The following PARP8 variants were observed in gnomAD, a reference collection of about 807,000 sequenced individuals.
PARP8 encodes the protein poly(ADP-ribose) polymerase family member 8.
A neutral mutation model predicts 124.1 loss-of-function variants in PARP8; 51 were observed. The ratio of observed to expected loss-of-function variants is 0.41; its 90% CI spans 0.33 to 0.52. The LOEUF (loss-of-function observed/expected upper bound fraction) is 0.52, where lower values mean the gene tolerates loss of function less well. Ranked by LOEUF, PARP8 falls within the 20% of genes least tolerant of loss-of-function variation. PARP8 has a pLI of 0.21. For synonymous variants in PARP8, 391 were observed against 361.5 expected (o/e 1.08, Z -0.93); for missense variants, 860 against 1,018.9 (o/e 0.84, Z 2.12).
intron 12 of PARP8, among the ~76,000 whole-genome samples, chr5:50,796,000 A>G (rs1742499958): frequency 6.6e-6 from 1 of 152,346 alleles, no homozygotes; most frequent in South Asian, 2.1e-4. Flanking sequence ...TGGGACCAGA[A>G]GATGACTTCA....
intron 2 of PARP8, 82 bp from the exon 3 acceptor site, chr5:50,750,067 CAT>C: frequency 9.3e-7 from 1 of 1,076,206 alleles, no homozygotes; most frequent in Non-Finnish European, 1.4e-6. Flanking sequence ...GAATGGGTAA[CAT>C]GGGTTTGGTT....
chr5:50,710,361 A>C (rs762373570), intron 2 of PARP8, among the ~76,000 whole-genome samples: 1 of 151,964 alleles, frequency 6.6e-6, no homozygotes, highest in Non-Finnish European at 1.5e-5. Flanking sequence ...ACTGACTTTT[A>C]TCTATATTTT....
intron 2 of PARP8, among the ~76,000 whole-genome samples, chr5:50,685,639 C>T (rs1272066182): frequency 6.6e-6 from 1 of 152,068 alleles, no homozygotes; most frequent in Non-Finnish European, 1.5e-5. Context: ...TTCTGTAGCC[C>T]AAGCTGGAGT....
At chr5:50,673,412 A>G (rs74526917) in intron 2 of PARP8, among the ~76,000 whole-genome samples, 6,043 of 152,234 alleles carry the variant, frequency 0.04, 218 homozygotes, top group Non-Finnish European at 0.066. Flanking sequence ...GTGATCCTAT[A>G]GTGATATTTA....
intron 25 of PARP8, among the ~76,000 whole-genome samples, chr5:50,835,434 T>C (rs1471340170): frequency 4.6e-5 from 7 of 151,990 alleles, no homozygotes; most frequent in Non-Finnish European, 1.5e-5. Flanking sequence ...TCCCAGCTCC[T>C]GGGGCTGAGG....
chr5:50,811,706 A>G (rs1013869228), intron 14 of PARP8, among the ~76,000 whole-genome samples: 4 of 152,064 alleles, frequency 2.6e-5, no homozygotes, highest in Admixed American at 2.6e-4. Context: ...CATCATCTAC[A>G]TTAGGTATAT....
intron 22 of PARP8, among the ~76,000 whole-genome samples, chr5:50,831,439 T>C (rs1327184923): frequency 6.6e-6 from 1 of 152,124 alleles, no homozygotes; most frequent in East Asian, 1.9e-4. Context: ...ACTCCATCTC[T>C]TGTTAGCAAA....
intron 11 of PARP8, 114 bp downstream of exon 11, chr5:50,794,446 C>T (rs916921684): frequency 6.5e-6 from 8 of 1,231,008 alleles, no homozygotes; most frequent in Middle Eastern, 4.0e-4. Flanking sequence ...TTTATAACCT[C>T]TAAGAAAAGA....
At chr5:50,823,110 A>G (rs1745951670) in intron 17 of PARP8, among the ~76,000 whole-genome samples, 1 of 152,242 alleles carries the variant, frequency 6.6e-6, no homozygotes, top group South Asian at 2.1e-4. Context: ...TAGTGGTTTC[A>G]AGGATTGCAC....
intron 9 of PARP8, 45 bp downstream of exon 9, chr5:50,778,695 G>C: frequency 7.6e-7 from 1 of 1,321,054 alleles, no homozygotes; most frequent in Non-Finnish European, 1.0e-6. Flanking sequence ...TTAATTAGCT[G>C]TGCACTATGC....
chr5:50,825,176 A>G (rs1343954669), intron 18 of PARP8, among the ~76,000 whole-genome samples: 1 of 152,110 alleles, frequency 6.6e-6, no homozygotes, highest in Non-Finnish European at 1.5e-5. Context: ...ATACATCACA[A>G]GGGGAAGAGA....
In PARP8 at chr5:50,844,452, T is replaced by C. The variant is rs1748463555; in HGVS notation, c.*2384T>C. The C allele has an allele frequency of 6.6e-6, 1 of 151,848 alleles. No homozygotes were observed. The highest frequency in any genetic ancestry group is 1.5e-5 in the Non-Finnish European group (1 of 67,830). 9.4% of individuals were successfully genotyped at this position (151,848 alleles called of 1,614,324 possible). On this transcript the variant is annotated 3_prime_UTR_variant, in exon 26 of 26. Transcript: ENST00000281631. Reference sequence around the variant, plus strand: ...CTAATTTCAATTACTACCATTAACATATAAATGTGCTTCCAAAATCCAAGC... The same window carrying C: ...CTAATTTCAATTACTACCATTAACACATAAATGTGCTTCCAAAATCCAAGC...
At chr5:50,732,482 A>G (rs532677074) in intron 2 of PARP8, among the ~76,000 whole-genome samples, 1 of 152,362 alleles carries the variant, frequency 6.6e-6, no homozygotes, top group East Asian at 1.9e-4. Context: ...TTGCATAAAA[A>G]ACTAATTAAA....
intron 17 of PARP8, 57 bp downstream of exon 17, chr5:50,822,457 C>A: frequency 1.5e-6 from 2 of 1,355,922 alleles, no homozygotes; most frequent in Non-Finnish European, 2.1e-6. Context: ...AGAGTTCTAG[C>A]TATGTAGTGA....
rs559970571 is a variant in PARP8, at chr5:50,759,859, A to G, written c.274+127A>G. ...TTCTGTGTCTATAAATCCAGTCTCC[A>G]TACAAATTTTCTATCTAAAGTACAT... is the stretch of plus-strand genomic sequence containing the variant. On this transcript the variant is annotated intron_variant, in intron 4 of 25. Coordinates refer to ENST00000281631, the MANE Select transcript of PARP8 (RefSeq NM_024615.4). 275 of 1,140,190 alleles carry G rather than the reference A, an allele frequency of 2.4e-4. No individual in the cohort carries two copies. The African/African-American group carries it at 3.6e-3, about 15-fold the overall frequency. The allele number at this position is 1,140,190 out of a possible 1,614,324, so 70.6% of individuals were successfully genotyped here. A position where few individuals can be genotyped will look rare whatever the true frequency, so the allele number is the denominator to read the frequency against.
intron 20 of PARP8, 30 bp downstream of exon 20, chr5:50,828,086 T>A: frequency 4.8e-6 from 7 of 1,445,164 alleles, no homozygotes; most frequent in Non-Finnish European, 6.8e-6. Flanking sequence ...AATGGGGGTG[T>A]GCTCCCATTA....
Position 50,834,992 on chromosome 5 carries a change from T to C in PARP8, c.2439T>C (p.His813=), listed in dbSNP as rs780458435. 25 of 1,613,302 alleles carry C rather than the reference T, an allele frequency of 1.5e-5. No individual in the cohort carries two copies. The highest frequency in any genetic ancestry group is 1.9e-5 in the Non-Finnish European group (23 of 1,179,526). ...TATGGGTTGTCCCCAATACTGACCATGTCTGCACACGATTCTTTTTCGTGT... is the reference window on the plus strand; with the variant it reads ...TATGGGTTGTCCCCAATACTGACCACGTCTGCACACGATTCTTTTTCGTGT... ...GEIWVVPNTD[H]VCTRFFFVYE... The change falls in exon 25 of 26, where the codon CAT becomes CAC. Residue 813 remains histidine, a synonymous_variant. Transcript: ENST00000281631.
intron 18 of PARP8, among the ~76,000 whole-genome samples, chr5:50,825,434 T>C (rs540150103): frequency 6.6e-6 from 1 of 152,282 alleles, no homozygotes; most frequent in African/African-American, 2.4e-5. Context: ...AACTCTTAAC[T>C]CTCTGCTTGC....
rs1468227494 is a variant in PARP8, at chr5:50,761,833, A to G, written c.358A>G (p.Asn120Asp). ...TTATTATTTTAAGGAATCAAGACAGAATAGTACAGTGGAGGAAGATTCTGA... is the reference window on the plus strand; with the variant it reads ...TTATTATTTTAAGGAATCAAGACAGGATAGTACAGTGGAGGAAGATTCTGA... ...QKENGEESRQ[N>D]STVEEDSEGD... The change falls in exon 6 of 26, where the codon AAT becomes GAT. Residue 120 changes from asparagine (N) to aspartate (D), a missense_variant. This residue lies in a region of PARP8 where 517 missense variants were observed against 544.2 expected (regional missense o/e 0.95). Coordinates refer to ENST00000281631, the MANE Select transcript of PARP8 (RefSeq NM_024615.4). 1 of 1,593,562 alleles carries G rather than the reference A, an allele frequency of 6.3e-7. No individual in the cohort carries two copies. Among genetic ancestry groups the G allele is most frequent in the Non-Finnish European group, 8.6e-7 (1 of 1,166,176 alleles).
Sources: gnomAD v4.1 joint callset for allele counts (sites outside exome capture counted in the v4.1 genomes callset) on GRCh38, gnomAD v4.1.1 for gene constraint, gnomAD v4.1.1 regional missense constraint, MANE v1.5 for transcripts, NCBI Gene and HGNC (gene_info 2026-07-23, HGNC 2026-07-21) for gene names.